BCAR3: variants seen among roughly 807,000 people sequenced by gnomAD.
The protein encoded by BCAR3 is breast cancer anti-estrogen resistance protein 3.
A neutral mutation model predicts 80.1 loss-of-function variants in BCAR3; 37 were observed. That is an observed-to-expected ratio of 0.46 (90% CI 0.36 to 0.61). The LOEUF (loss-of-function observed/expected upper bound fraction) is 0.61. BCAR3 is among the 20% of genes least tolerant of loss of function. BCAR3 has a pLI of 0.00. For synonymous variants in BCAR3, 389 were observed against 418.9 expected, an observed-to-expected ratio of 0.93 and a Z score of 0.87; for missense variants, 978 against 1,068.2, an observed-to-expected ratio of 0.92 and a Z score of 1.18.
chr1:93,721,898 T>C (rs756207433), intron 2 of BCAR3, among the ~76,000 whole-genome samples: 1 of 152,196 alleles, frequency 6.6e-6, no homozygotes, highest in Non-Finnish European at 1.5e-5. Flanking sequence ...CTACTGGCTA[T>C]GAGGACTAAA....
intron 3 of BCAR3, among the ~76,000 whole-genome samples, chr1:93,624,751 A>G (rs563600296): frequency 7.2e-5 from 11 of 152,344 alleles, no homozygotes; most frequent in African/African-American, 1.4e-4. Context: ...GCTCTTGTTC[A>G]TGGTATTTGC....
intron 2 of BCAR3, among the ~76,000 whole-genome samples, chr1:93,738,999 T>G (rs1282368003): frequency 1.3e-5 from 2 of 152,054 alleles, no homozygotes; most frequent in Non-Finnish European, 2.9e-5. Flanking sequence ...CCCAAGCAAC[T>G]GGTGGAAAGG....
In BCAR3 at chr1:93,794,297, T is replaced by G. The variant is rs1653203609; in HGVS notation, c.-63+51270A>C. ...ATTAATGTGTGGGAGTTTAAGTCTC[T>G]TTGTAGGTCACTCAGGACTTGCTTT... is the stretch of plus-strand genomic sequence containing the variant. On this transcript the variant is annotated intron_variant, in intron 2 of 13. Coordinates refer to the BCAR3 transcript ENST00000370244. 5.9e-5 allele frequency among the ~76,000 whole-genome samples: 3 copies of G among 51,166 alleles called. 1 individual carries two copies. The highest frequency in any genetic ancestry group is 9.3e-5 in the Non-Finnish European group (3 of 32,116). 33.6% of individuals were successfully genotyped at this position (51,166 alleles called of 152,430 possible).
chr1:93,656,406 C>T (rs567020945), intron 2 of BCAR3, among the ~76,000 whole-genome samples: 1 of 151,744 alleles, frequency 6.6e-6, no homozygotes, highest in Non-Finnish European at 1.5e-5. Context: ...GTATTTTCTC[C>T]AGTCATATCT....
intron 2 of BCAR3, among the ~76,000 whole-genome samples, chr1:93,800,299 C>T (rs1389040780): frequency 6.6e-6 from 1 of 152,054 alleles, no homozygotes; most frequent in Non-Finnish European, 1.5e-5. Context: ...GATGGCTGGG[C>T]ATGGTGGCTC....
chr1:93,725,799 A>AT (rs967362028), intron 2 of BCAR3, among the ~76,000 whole-genome samples: 17 of 152,094 alleles, frequency 1.1e-4, no homozygotes, highest in Non-Finnish European at 1.9e-4. Context: ...TAGGGATCCA[A>AT]TTTTTTGCCT....
intron 1 of BCAR3, 95 bp downstream of exon 1, chr1:93,681,503 A>G (rs961164611): frequency 6.6e-6 from 1 of 151,946 alleles, no homozygotes; most frequent in Admixed American, 6.5e-5. Flanking sequence ...TTTGTCCAAC[A>G]AACTTCCTAG....
At chr1:93,713,578 T>C (rs1650098161) in intron 2 of BCAR3, among the ~76,000 whole-genome samples, 1 of 152,072 alleles carries the variant, frequency 6.6e-6, no homozygotes, top group Non-Finnish European at 1.5e-5. Context: ...GAAGCAAGAG[T>C]TCCTTGCTGC....
At chr1:93,699,870 A>T (rs909265122) in intron 3 of BCAR3, among the ~76,000 whole-genome samples, 12 of 152,104 alleles carry the variant, frequency 7.9e-5, no homozygotes, top group Non-Finnish European at 1.5e-4. Context: ...GAGGAAACAG[A>T]CCCAGAGAGG....
chr1:93,803,228 A>G (rs940835420), intron 2 of BCAR3, among the ~76,000 whole-genome samples: 2 of 152,160 alleles, frequency 1.3e-5, no homozygotes, highest in African/African-American at 4.8e-5. Context: ...GTAGGAAGCA[A>G]GTGTCCCATA....
At chr1:93,830,810 C>G (rs1376956758) in intron 2 of BCAR3, among the ~76,000 whole-genome samples, 1 of 152,196 alleles carries the variant, frequency 6.6e-6, no homozygotes, top group Non-Finnish European at 1.5e-5. Context: ...TCTTTGCCCT[C>G]ACTCTGTGAG....
chr1:93,631,695 G>A (rs988944815), intron 3 of BCAR3, among the ~76,000 whole-genome samples: 3 of 152,174 alleles, frequency 2.0e-5, no homozygotes, highest in Non-Finnish European at 4.4e-5. Context: ...ATCCTTCCTC[G>A]AGTTAGGGAG....
intron 2 of BCAR3, among the ~76,000 whole-genome samples, chr1:93,730,570 ATCCAAATCGCTT>A: frequency 6.6e-6 from 1 of 152,318 alleles, no homozygotes; most frequent in Non-Finnish European, 1.5e-5. Flanking sequence ...TACTCTGCAT[ATCCAAATCGCTT>A]TCCCTCATAC....
intron 2 of BCAR3, among the ~76,000 whole-genome samples, chr1:93,715,645 G>T (rs1000864262): frequency 6.6e-6 from 1 of 152,172 alleles, no homozygotes; most frequent in Non-Finnish European, 1.5e-5. Context: ...GCAGACACTC[G>T]AAACTATTTA....
chr1:93,743,349 A>C lies in BCAR3; in HGVS notation c.-62-37207T>G, dbSNP rs72721100. Among the ~76,000 whole-genome samples the C allele has an allele frequency of 2.0e-3, 301 of 152,294 alleles. 2 individuals carry two copies. The highest frequency in any genetic ancestry group is 3.4e-3 in the Middle Eastern group (1 of 294). ...AGAGAGAAAAATTGAGTCCAGAAAA[A>C]AGACAGATCTGGAGGTGACCCTTCC... is the stretch of plus-strand genomic sequence containing the variant. On this transcript the variant is annotated intron_variant, in intron 2 of 13. Coordinates refer to the BCAR3 transcript ENST00000370244.
intron 1 of BCAR3, among the ~76,000 whole-genome samples, chr1:93,680,420 G>T (rs547650569): frequency 6.6e-6 from 1 of 152,262 alleles, no homozygotes; most frequent in South Asian, 2.1e-4. Flanking sequence ...CGCTTTGCCT[G>T]TGGGCTTCCC....
chr1:93,831,518 T>G (rs933086714), intron 2 of BCAR3, among the ~76,000 whole-genome samples: 3 of 152,224 alleles, frequency 2.0e-5, no homozygotes, highest in African/African-American at 7.2e-5. Flanking sequence ...GCAAATGGTC[T>G]GAGGTGCCTG....
At chr1:93,640,399 C>T (rs1675940939) in intron 3 of BCAR3, among the ~76,000 whole-genome samples, 1 of 151,858 alleles carries the variant, frequency 6.6e-6, no homozygotes, top group Non-Finnish European at 1.5e-5. Context: ...TCCCTCTAAA[C>T]CAAGGGTGAA....
chr1:93,831,072 A>G (rs960498482), intron 2 of BCAR3, among the ~76,000 whole-genome samples: 8 of 152,170 alleles, frequency 5.3e-5, no homozygotes, highest in African/African-American at 1.2e-4. Context: ...TCAGGAAGAC[A>G]GTCTTCCCTT....
Sources: gnomAD v4.1 joint callset for allele counts (sites outside exome capture counted in the v4.1 genomes callset) on GRCh38, gnomAD v4.1.1 for gene constraint, MANE v1.5 for transcripts, NCBI Gene and HGNC (gene_info 2026-07-23, HGNC 2026-07-21) for gene names.